ACSS2: variants seen among roughly 807,000 people sequenced by gnomAD.
The protein encoded by ACSS2 is acyl-CoA synthetase short chain family member 2.
Under a neutral mutation model 90.6 loss-of-function variants are expected in ACSS2, and 58 were observed. That is an observed-to-expected ratio of 0.64 (90% CI 0.52 to 0.80). ACSS2 has a LOEUF of 0.80. Among genes scored for constraint, ACSS2 ranks in the 30% least tolerant of loss-of-function variants. ACSS2 has a pLI of 0.00. For missense variants in ACSS2, 759 were observed against 912.0 expected (o/e 0.83, Z 2.16); for synonymous variants, 300 against 330.9 (o/e 0.91, Z 1.01).
At chr20:34,907,418 T>G (rs2080835990) in intron 2 of ACSS2, among the ~76,000 whole-genome samples, 2 of 152,138 alleles carry the variant, frequency 1.3e-5, no homozygotes, top group Admixed American at 1.3e-4. Flanking sequence ...CAAAACAGAA[T>G]GATTTGATAG....
At chr20:34,884,989 C>G (rs557037182) in intron 2 of ACSS2, among the ~76,000 whole-genome samples, 1 of 152,040 alleles carries the variant, frequency 6.6e-6, no homozygotes, top group Admixed American at 6.6e-5. Flanking sequence ...TGCTTGAGCT[C>G]AAGAGTTCGA....
chr20:34,888,955 A>G (rs576433948), intron 2 of ACSS2, among the ~76,000 whole-genome samples: 11 of 151,990 alleles, frequency 7.2e-5, no homozygotes, highest in Admixed American at 2.6e-4. Flanking sequence ...TTGAAAGCCA[A>G]TGTAGACTCT....
At chr20:34,903,995 G>T (rs1205111810) in intron 2 of ACSS2, among the ~76,000 whole-genome samples, 1 of 152,010 alleles carries the variant, frequency 6.6e-6, no homozygotes, top group East Asian at 1.9e-4. Context: ...GTGCTTGGAG[G>T]AGACAGAGAA....
chr20:34,888,931 G>C (rs1472393258), intron 2 of ACSS2, among the ~76,000 whole-genome samples: 1 of 151,902 alleles, frequency 6.6e-6, no homozygotes, highest in African/African-American at 2.4e-5. Context: ...CAGGATATTA[G>C]ATCATGTCAC....
intron 2 of ACSS2, among the ~76,000 whole-genome samples, chr20:34,887,516 G>T (rs1260614577): frequency 6.6e-6 from 1 of 152,204 alleles, no homozygotes; most frequent in African/African-American, 2.4e-5. Flanking sequence ...AAGGCAGGTG[G>T]ATCACCTGAG....
intron 4 of ACSS2, 29 bp downstream of exon 4, chr20:34,913,525 A>AG: frequency 1.6e-6 from 2 of 1,220,070 alleles, no homozygotes; most frequent in Non-Finnish European, 2.4e-6. Flanking sequence ...GAAAAGGGGC[A>AG]GGCGGGGGGG....
At chr20:34,926,817 GA>G in intron 16 of ACSS2, 59 bp from the exon 17 acceptor site, 1 of 1,583,720 alleles carries the variant, frequency 6.3e-7, no homozygotes. Flanking sequence ...TCTCTACTTT[GA>G]TTTTTGAAAA....
chr20:34,920,847 G>A, intron 9 of ACSS2, 138 bp downstream of exon 9: 1 of 1,459,516 alleles, frequency 6.9e-7, no homozygotes, highest in Non-Finnish European at 9.3e-7. Flanking sequence ...TCCTGAGGGG[G>A]TTGCGTATCC....
intron 13 of ACSS2, 51 bp from the exon 14 acceptor site, chr20:34,923,272 C>T (rs1394853758): frequency 7.8e-7 from 1 of 1,282,218 alleles, no homozygotes; most frequent in Non-Finnish European, 1.1e-6. Flanking sequence ...TAATTATCTT[C>T]CAGTGAGACA....
chr20:34,888,181 T>C (rs956148688), intron 2 of ACSS2, among the ~76,000 whole-genome samples: 3 of 150,248 alleles, frequency 2.0e-5, no homozygotes, highest in African/African-American at 7.4e-5. Context: ...CAGGATAATA[T>C]AAAGATTAGG....
intron 4 of ACSS2, 64 bp from the exon 5 acceptor site, chr20:34,913,689 C>G: frequency 6.6e-7 from 1 of 1,506,746 alleles, no homozygotes; most frequent in South Asian, 1.1e-5. Flanking sequence ...TGAGCAACCC[C>G]TTTCTTCATT....
chr20:34,887,368 A>C (rs2080221542), intron 2 of ACSS2, among the ~76,000 whole-genome samples: 1 of 152,224 alleles, frequency 6.6e-6, no homozygotes, highest in Non-Finnish European at 1.5e-5. Flanking sequence ...ATTAACTTTA[A>C]AATACCAGAT....
chr20:34,887,068 A>G (rs2080212777), intron 2 of ACSS2, among the ~76,000 whole-genome samples: 1 of 152,232 alleles, frequency 6.6e-6, no homozygotes, highest in South Asian at 2.1e-4. Context: ...GGCTTGACAC[A>G]TTGCAAATGT....
chr20:34,915,534 C>T (rs1354062335), intron 7 of ACSS2, among the ~76,000 whole-genome samples: 1 of 152,056 alleles, frequency 6.6e-6, no homozygotes, highest in Non-Finnish European at 1.5e-5. Flanking sequence ...GACAAGGTAA[C>T]CTGTCAGAAA....
intron 2 of ACSS2, 28 bp from the exon 3 acceptor site, chr20:34,913,068 A>T: frequency 6.4e-7 from 1 of 1,569,018 alleles, no homozygotes. Flanking sequence ...TATACCCCTA[A>T]TCACTGGTTC....
At chr20:34,878,426 G>A (rs2079980573) in intron 1 of ACSS2, among the ~76,000 whole-genome samples, 1 of 152,200 alleles carries the variant, frequency 6.6e-6, no homozygotes, top group South Asian at 2.1e-4. Flanking sequence ...GATAGGTCTA[G>A]TAATACTTGC....
intron 1 of ACSS2, among the ~76,000 whole-genome samples, chr20:34,880,733 A>G (rs973803476): frequency 2.6e-5 from 4 of 152,164 alleles, no homozygotes; most frequent in Middle Eastern, 3.4e-3. Context: ...TTTTCTAGGT[A>G]TATAATGGCA....
At chr20:34,886,724 A>G (rs2080203336) in intron 2 of ACSS2, among the ~76,000 whole-genome samples, 1 of 152,236 alleles carries the variant, frequency 6.6e-6, no homozygotes, top group African/African-American at 2.4e-5. Context: ...TCACTATCAT[A>G]TGAAATCCTC....
chr20:34,875,871 G>A (rs1467739256), upstream of ACSS2: 2 of 152,438 alleles, frequency 1.3e-5, no homozygotes, highest in Admixed American at 6.5e-5. Context: ...GGAGATTTGT[G>A]AAGGCAAGGA....
Sources: allele counts gnomAD v4.1 joint callset (sites outside exome capture counted in the v4.1 genomes callset), GRCh38; gene constraint gnomAD v4.1.1; transcripts MANE v1.5; gene names NCBI Gene and HGNC (gene_info 2026-07-23, HGNC 2026-07-21).